Variants in SEMA5A observed in about 807,000 individuals in gnomAD.
SEMA5A encodes the protein semaphorin-5A.
SEMA5A carries 55 observed loss-of-function variants against 135.5 expected under a neutral mutation model. That is an observed-to-expected ratio of 0.41 (90% confidence interval 0.33 to 0.51). The LOEUF (loss-of-function observed/expected upper bound fraction) is 0.51, where lower values mean the gene tolerates loss of function less well. Ranked by LOEUF, SEMA5A falls within the 20% of genes least tolerant of loss-of-function variation. The probability of loss-of-function intolerance (pLI) is 0.37; values close to 1 mark genes in which losing one functional copy is unlikely to be tolerated. For missense variants in SEMA5A, 1,290 were observed against 1,419.9 expected (o/e 0.91, Z 1.47); for synonymous variants, 580 against 546.5 (o/e 1.06, Z -0.85).
intron 5 of SEMA5A, among the ~76,000 whole-genome samples, chr5:9,301,078 G>C (rs1185697862): frequency 1.3e-5 from 2 of 152,140 alleles, no homozygotes; most frequent in Admixed American, 1.3e-4. Flanking sequence ...CTCTCTAATG[G>C]CCAGAACTGA....
intron 13 of SEMA5A, among the ~76,000 whole-genome samples, chr5:9,128,858 C>A (rs1445829255): frequency 6.6e-6 from 1 of 152,264 alleles, no homozygotes; most frequent in South Asian, 2.1e-4. Flanking sequence ...GCTGTAGGGG[C>A]TGCCATGTGC....
At chr5:9,185,641 C>A (rs1744764569) in intron 11 of SEMA5A, among the ~76,000 whole-genome samples, 1 of 152,140 alleles carries the variant, frequency 6.6e-6, no homozygotes, top group African/African-American at 2.4e-5. Context: ...AATTCACCCA[C>A]TGATTTTTAG....
chr5:9,370,713 G>A (rs1233684258), intron 3 of SEMA5A, among the ~76,000 whole-genome samples: 1 of 152,194 alleles, frequency 6.6e-6, no homozygotes, highest in South Asian at 2.1e-4. Context: ...TGGTAACAGA[G>A]AGACATCACC....
chr5:9,086,512 C>A lies in SEMA5A; in HGVS notation c.2074-19866G>T, dbSNP rs1409512230. 2.0e-5 allele frequency among the ~76,000 whole-genome samples: 3 copies of A among 152,236 alleles called. No homozygotes were observed. The South Asian group carries it at 6.2e-4, about 32-fold the overall frequency. ...CTTGTCTGCCGCCATTTGAGATGTG[C>A]CTTTCACCTTCCACCATGATTGTGA... is the stretch of plus-strand genomic sequence containing the variant. On this transcript the variant is annotated intron_variant, in intron 16 of 22. Coordinates refer to ENST00000382496, the MANE Select transcript of SEMA5A (RefSeq NM_003966.3).
At chr5:9,449,949 C>T (rs985183142) in intron 1 of SEMA5A, among the ~76,000 whole-genome samples, 1 of 152,168 alleles carries the variant, frequency 6.6e-6, no homozygotes, top group South Asian at 2.1e-4. Flanking sequence ...GTTTTCTAGT[C>T]TCAGAAGAAG....
intron 5 of SEMA5A, among the ~76,000 whole-genome samples, chr5:9,267,043 A>T (rs1749716398): frequency 6.6e-6 from 1 of 152,212 alleles, no homozygotes; most frequent in African/African-American, 2.4e-5. Context: ...TACCTTACAG[A>T]GCTCTGCCCA....
At chr5:9,080,247 A>G (rs1377668297) in intron 16 of SEMA5A, among the ~76,000 whole-genome samples, 1 of 152,190 alleles carries the variant, frequency 6.6e-6, no homozygotes, top group African/African-American at 2.4e-5. Context: ...TGTCCTTCGC[A>G]GAGACTTGGA....
chr5:9,187,054 C>G (rs771687767), intron 11 of SEMA5A, among the ~76,000 whole-genome samples: 2 of 151,838 alleles, frequency 1.3e-5, no homozygotes, highest in African/African-American at 2.4e-5. Flanking sequence ...AATAAGAGAC[C>G]GGAAAAACAT....
intron 1 of SEMA5A, among the ~76,000 whole-genome samples, chr5:9,514,080 C>T (rs544271943): frequency 5.9e-4 from 89 of 152,128 alleles, no homozygotes; most frequent in Non-Finnish European, 9.8e-4. Context: ...TTGCCTTTTC[C>T]AGCTTCTAGA....
At chr5:9,162,564 G>GTATGTATATATATATATATATATA (rs1553995446) in intron 11 of SEMA5A, among the ~76,000 whole-genome samples, 8 of 84,056 alleles carry the variant, frequency 9.5e-5, no homozygotes, top group Admixed American at 2.5e-4. Context: ...GTGTGTGTGT[G>GTATGTATATATATATATATATATA]TATATATATA....
At chr5:9,222,077 G>A (rs1212028530) in intron 8 of SEMA5A, among the ~76,000 whole-genome samples, 1 of 152,204 alleles carries the variant, frequency 6.6e-6, no homozygotes, top group Non-Finnish European at 1.5e-5. Flanking sequence ...GGATTTGGTG[G>A]GAGTCAGTGC....
At chr5:9,305,726 A>ATT in intron 5 of SEMA5A, among the ~76,000 whole-genome samples, 1 of 103,560 alleles carries the variant, frequency 9.7e-6, no homozygotes, top group East Asian at 2.3e-4. Flanking sequence ...ATATATATAT[A>ATT]TTTACACGCA....
At chr5:9,395,826 T>C (rs1756371797) in intron 2 of SEMA5A, among the ~76,000 whole-genome samples, 1 of 152,234 alleles carries the variant, frequency 6.6e-6, no homozygotes, top group Admixed American at 6.5e-5. Context: ...AATGTTCTGC[T>C]TAATCTTACT....
intron 5 of SEMA5A, among the ~76,000 whole-genome samples, chr5:9,251,268 T>C (rs145555162): frequency 1.1e-3 from 169 of 152,262 alleles, no homozygotes; most frequent in African/African-American, 3.9e-3. Flanking sequence ...TTTATATAAA[T>C]TACCCAGCCT....
intron 16 of SEMA5A, among the ~76,000 whole-genome samples, chr5:9,093,783 T>A (rs1460256295): frequency 1.3e-5 from 2 of 152,062 alleles, no homozygotes; most frequent in Non-Finnish European, 2.9e-5. Context: ...TGATGACTAC[T>A]CACTTTCCAG....
At chr5:9,209,250 C>T (rs1746214552) in intron 8 of SEMA5A, among the ~76,000 whole-genome samples, 1 of 152,154 alleles carries the variant, frequency 6.6e-6, no homozygotes, top group South Asian at 2.1e-4. Flanking sequence ...TTAGTGTCTA[C>T]TCTGCTCTTA....
intron 22 of SEMA5A, 77 bp from the exon 23 acceptor site, chr5:9,043,093 T>C (rs1417257344): frequency 2.3e-6 from 3 of 1,287,770 alleles, no homozygotes; most frequent in Non-Finnish European, 3.3e-6. Context: ...AGGATGACTA[T>C]TATGTTGAAT....
intron 5 of SEMA5A, among the ~76,000 whole-genome samples, chr5:9,310,188 C>A (rs184745487): frequency 9.2e-5 from 14 of 152,082 alleles, no homozygotes; most frequent in Non-Finnish European, 1.5e-5. Context: ...CTTGGTAGGC[C>A]AGGCAGTCTC....
intron 1 of SEMA5A, among the ~76,000 whole-genome samples, chr5:9,486,280 G>C (rs1029876585): frequency 2.0e-5 from 3 of 152,264 alleles, no homozygotes; most frequent in African/African-American, 7.2e-5. Context: ...GAGTGGGGTG[G>C]ATTGTGAGGG....
Sources: gnomAD v4.1 joint callset for allele counts (sites outside exome capture counted in the v4.1 genomes callset) on GRCh38, gnomAD v4.1.1 for gene constraint, MANE v1.5 for transcripts, NCBI Gene and HGNC (gene_info 2026-07-23, HGNC 2026-07-21) for gene names.